Variants in SULT1B1 observed in about 807,000 individuals in gnomAD.
SULT1B1 encodes sulfotransferase 1B1.
In SULT1B1, 28 loss-of-function variants were observed where a neutral mutation model predicts 34.6. That is an observed-to-expected ratio of 0.81 (90% CI 0.60 to 1.11). The LOEUF (loss-of-function observed/expected upper bound fraction) is 1.11, where lower values mean the gene tolerates loss of function less well. Among genes scored for constraint, SULT1B1 ranks in the 50% least tolerant of loss-of-function variants. The probability of loss-of-function intolerance (pLI) is 0.00; values close to 1 mark genes in which losing one functional copy is unlikely to be tolerated. For missense variants in SULT1B1, 374 were observed against 352.2 expected, an observed-to-expected ratio of 1.06 and a Z score of -0.50; for synonymous variants, 147 against 110.2, an observed-to-expected ratio of 1.33 and a Z score of -2.09.
At chr4:69,743,838 G>A (rs1160181577) in intron 4 of SULT1B1, among the ~76,000 whole-genome samples, 1 of 152,190 alleles carries the variant, frequency 6.6e-6, no homozygotes, top group Non-Finnish European at 1.5e-5. Flanking sequence ...CAGATAGTGG[G>A]AGCAGACACC....
intron 7 of SULT1B1, among the ~76,000 whole-genome samples, chr4:69,727,845 C>T (rs1196719248): frequency 6.6e-6 from 1 of 151,844 alleles, no homozygotes; most frequent in Non-Finnish European, 1.5e-5. Context: ...AATTTAGTCT[C>T]TCATACTTGG....
At chr4:69,744,215 G>A (rs1718663616) in intron 4 of SULT1B1, among the ~76,000 whole-genome samples, 1 of 152,172 alleles carries the variant, frequency 6.6e-6, no homozygotes, top group African/African-American at 2.4e-5. Context: ...GGTGATACCA[G>A]GGCAGCAGGC....
intron 4 of SULT1B1, among the ~76,000 whole-genome samples, chr4:69,741,345 C>T (rs548363291): frequency 7.9e-5 from 12 of 152,158 alleles, no homozygotes; most frequent in South Asian, 4.1e-4. Flanking sequence ...TTTTTGCTTA[C>T]GGTTTCCTTA....
chr4:69,754,754 C>T lies in SULT1B1; in HGVS notation c.193G>A (p.Gly65Arg). The change falls in exon 3 of 8, where the codon GGA (glycine) becomes AGA (arginine). Residue 65 changes from glycine (G) to arginine (R), a missense_variant. Transcript: ENST00000310613. The stretch of plus-strand genomic sequence containing the variant: ...CCTCGCTTACATTTTTCAATATCTC[C>T]ATCATTTAGAATCATGTCTATAATT... ...SEIIDMILND[G>R]DIEKCKRGFI... The T allele has an allele frequency of 2.5e-6, 4 of 1,612,888 alleles. No individual in the cohort carries two copies. Among genetic ancestry groups the T allele is most frequent in the Non-Finnish European group, 3.4e-6 (4 of 1,179,220 alleles).
At chr4:69,747,901 A>T (rs1413136905) in intron 4 of SULT1B1, among the ~76,000 whole-genome samples, 5 of 152,018 alleles carry the variant, frequency 3.3e-5, no homozygotes, top group Admixed American at 3.3e-4. Context: ...CAGGGTCTGC[A>T]TTCTCCCTCT....
intron 4 of SULT1B1, among the ~76,000 whole-genome samples, chr4:69,743,755 G>A (rs557728615): frequency 6.6e-6 from 1 of 152,262 alleles, no homozygotes; most frequent in East Asian, 1.9e-4. Context: ...CATCCAACTG[G>A]GCTATGACAG....
At chr4:69,740,861 G>A (rs1273093408) in intron 4 of SULT1B1, among the ~76,000 whole-genome samples, 4 of 151,786 alleles carry the variant, frequency 2.6e-5, no homozygotes, top group Non-Finnish European at 5.9e-5. Flanking sequence ...ATATTTTCTC[G>A]CATTTTCTAT....
intron 4 of SULT1B1, among the ~76,000 whole-genome samples, chr4:69,747,751 A>G (rs1296296578): frequency 6.6e-6 from 1 of 152,064 alleles, no homozygotes. Context: ...TGCAGCTAGG[A>G]TCCTGGAGGT....
Position 69,730,572 on chromosome 4 carries a change from T to C in SULT1B1, c.707A>G (p.Asn236Ser), listed in dbSNP as rs922027052. The C allele has an allele frequency of 1.2e-6, 2 of 1,613,254 alleles. No homozygotes were observed. Among genetic ancestry groups the C allele is most frequent in the Non-Finnish European group, 1.7e-6 (2 of 1,179,538 alleles). ...HHTSFEVMKDNPLVNYTHLPT... is the reference protein window; with the variant it reads ...HHTSFEVMKDSPLVNYTHLPT... Reference sequence around the variant, plus strand: ...TAGATGTGTATAATTTACCAAAGGATTGTCCTTCATCACTTCAAATGAGGT... The same window carrying C: ...TAGATGTGTATAATTTACCAAAGGACTGTCCTTCATCACTTCAAATGAGGT... Residue 236 changes from asparagine (N) to serine (S), a missense_variant, in exon 7 of 8, where the codon AAT becomes AGT. Coordinates refer to ENST00000310613, the MANE Select transcript of SULT1B1 (RefSeq NM_014465.4).
At chr4:69,744,795 TG>T (rs1718687348) in intron 4 of SULT1B1, among the ~76,000 whole-genome samples, 2 of 152,232 alleles carry the variant, frequency 1.3e-5, no homozygotes, top group South Asian at 4.1e-4. Context: ...CTTATTTTCC[TG>T]GTTCCTTGAG....
In SULT1B1 at chr4:69,724,035, C is replaced by T. The variant is rs1301920588; in HGVS notation, c.*3053G>A. The T allele has an allele frequency of 6.6e-5, 10 of 152,254 alleles. No homozygotes were observed. The East Asian group carries it at 1.4e-3, about 21-fold the overall frequency. The allele number at this position is 152,254 out of a possible 1,614,324, so 9.4% of individuals were successfully genotyped here. On this transcript the variant is annotated 3_prime_UTR_variant, in exon 8 of 8. Transcript: ENST00000310613. ...GGAAGTTCTGGCCAGGGCAATCAGG[C>T]AGGAGAAAGAAATAAAGGGTATTCA... is the stretch of plus-strand genomic sequence containing the variant.
intron 6 of SULT1B1, among the ~76,000 whole-genome samples, chr4:69,732,081 C>A (rs1160869732): frequency 6.6e-6 from 1 of 152,088 alleles, no homozygotes; most frequent in African/African-American, 2.4e-5. Context: ...TATAACTTAC[C>A]TCCGGCTAAA....
At chr4:69,745,777 C>T (rs1205121156) in intron 4 of SULT1B1, among the ~76,000 whole-genome samples, 1 of 152,092 alleles carries the variant, frequency 6.6e-6, no homozygotes, top group Non-Finnish European at 1.5e-5. Flanking sequence ...ATTATGTAGA[C>T]TTGATTATGT....
rs1399691771 is a variant in SULT1B1 at position 69,726,245 on chromosome 4, C to G, written c.*843G>C. 1 of 150,634 alleles carries G rather than the reference C, an allele frequency of 6.6e-6. No individual in the cohort carries two copies. The highest frequency in any genetic ancestry group is 1.5e-5 in the Non-Finnish European group (1 of 67,614). The allele number at this position is 150,634 out of a possible 1,614,324, so 9.3% of individuals were successfully genotyped here. On this transcript the variant is annotated 3_prime_UTR_variant, in exon 8 of 8. Coordinates refer to ENST00000310613, the MANE Select transcript of SULT1B1 (RefSeq NM_014465.4). ...TATTTTGCAGAGGTTATGATCATGT[C>G]TAGGATATTAAAGGTGCTATTAAGG...
chr4:69,747,458 G>A (rs545992191), intron 4 of SULT1B1, among the ~76,000 whole-genome samples: 1 of 152,316 alleles, frequency 6.6e-6, no homozygotes, highest in Admixed American at 6.5e-5. Context: ...GCTATGCAGG[G>A]GCCCTAGTAG....
At chr4:69,759,250 C>T (rs1171200947) in intron 1 of SULT1B1, among the ~76,000 whole-genome samples, 1 of 152,150 alleles carries the variant, frequency 6.6e-6, no homozygotes, top group African/African-American at 2.4e-5. Context: ...AAGGGAGTGG[C>T]AACCCAGGAA....
In SULT1B1 at chr4:69,730,510, T is replaced by A; in HGVS notation, c.769A>T (p.Met257Leu). 5 of 1,601,764 alleles carry A rather than the reference T, an allele frequency of 3.1e-6. No individual in the cohort carries two copies. The highest frequency in any genetic ancestry group is 4.3e-6 in the Non-Finnish European group (5 of 1,170,162). Residue 257 changes from methionine (M) to leucine (L), a missense_variant, in exon 7 of 8, where the codon ATG (methionine) becomes TTG (leucine). Transcript: ENST00000310613. ...CCAGCAAAGTATTTACCTTTACGCA[T>A]AAAAGGGGATTTGCTATGATCCATC... ...TVMDHSKSPF[M>L]RKGTAGDWKN...
intron 4 of SULT1B1, among the ~76,000 whole-genome samples, chr4:69,748,615 G>A (rs184439721): frequency 5.1e-4 from 77 of 152,284 alleles, no homozygotes; most frequent in African/African-American, 1.8e-3. Context: ...GATAGAACAA[G>A]ATGAACCATA....
chr4:69,749,690 C>A (rs924899185), intron 4 of SULT1B1, 31 bp downstream of exon 4: 4 of 1,527,510 alleles, frequency 2.6e-6, no homozygotes, highest in Admixed American at 3.3e-5. Context: ...TAGGGCCATA[C>A]TAAAAAACTG....
Sources: gnomAD v4.1 joint callset for allele counts (sites outside exome capture counted in the v4.1 genomes callset) on GRCh38, gnomAD v4.1.1 for gene constraint, MANE v1.5 for transcripts, NCBI Gene and HGNC (gene_info 2026-07-23, HGNC 2026-07-21) for gene names.